The following TFPI variants were observed in gnomAD, a reference collection of about 807,000 sequenced individuals.
TFPI encodes the protein anti-convertin.
TFPI carries 15 observed loss-of-function variants against 34.6 expected under a neutral mutation model. The observed-to-expected ratio is 0.43, with a 90% CI of 0.29 to 0.67. The LOEUF is 0.67. TFPI is among the 30% of genes least tolerant of loss of function. The pLI, the probability that TFPI is intolerant of heterozygous loss-of-function variation, is 0.15. For missense variants in TFPI, 301 were observed against 364.0 expected (o/e 0.83, Z 1.41); for synonymous variants, 105 against 120.1 (o/e 0.87, Z 0.82).
intron 1 of TFPI, among the ~76,000 whole-genome samples, chr2:187,528,434 G>A (rs1191894203): frequency 6.6e-6 from 1 of 152,028 alleles, no homozygotes; most frequent in Non-Finnish European, 1.5e-5. Flanking sequence ...TTTAAAAAAA[G>A]TCTTGGCTAA....
chr2:187,511,891 CAGAA>C (rs999082124), intron 1 of TFPI, among the ~76,000 whole-genome samples: 16 of 150,666 alleles, frequency 1.1e-4, no homozygotes, highest in Admixed American at 2.6e-4. Context: ...CAGGAAGAGA[CAGAA>C]AGACAAAGAG....
chr2:187,505,107 TCCTTATC>T (rs1239716623), intron 1 of TFPI, among the ~76,000 whole-genome samples: 1 of 140,576 alleles, frequency 7.1e-6, no homozygotes, highest in Non-Finnish European at 1.5e-5. Flanking sequence ...AAACTTCTAA[TCCTTATC>T]GCATTTTTGA....
intron 1 of TFPI, among the ~76,000 whole-genome samples, chr2:187,506,303 A>C (rs1686215371): frequency 1.3e-5 from 2 of 152,088 alleles, no homozygotes; most frequent in Non-Finnish European, 2.9e-5. Flanking sequence ...TCTAATAGAA[A>C]CATCTTCTTT....
At chr2:187,482,466 C>G (rs566922862) in intron 6 of TFPI, among the ~76,000 whole-genome samples, 1 of 152,058 alleles carries the variant, frequency 6.6e-6, no homozygotes, top group East Asian at 1.9e-4. Flanking sequence ...TTAATTTTTA[C>G]GAACGAAGTA....
chr2:187,534,771 T>C (rs1026431765), intron 1 of TFPI, among the ~76,000 whole-genome samples: 4 of 152,046 alleles, frequency 2.6e-5, no homozygotes, highest in African/African-American at 4.8e-5. Context: ...AGACATAGAC[T>C]GGCAAATTAG....
intron 6 of TFPI, among the ~76,000 whole-genome samples, chr2:187,471,564 A>T (rs1385718895): frequency 6.6e-6 from 1 of 152,166 alleles, no homozygotes; most frequent in Non-Finnish European, 1.5e-5. Flanking sequence ...GGAATTTAAT[A>T]ATCAAATGCA....
chr2:187,540,614 G>A lies in TFPI; in HGVS notation c.-3+13586C>T, dbSNP rs568255971. Among the ~76,000 whole-genome samples the A allele has an allele frequency of 9.2e-5, 14 of 152,210 alleles. No homozygotes were observed. The South Asian group carries it at 2.9e-3, about 32-fold the overall frequency. On this transcript the variant is annotated intron_variant, in intron 1 of 7. Transcript: ENST00000233156. ...TAAAAGAAAATAATAAACCAGCCAG[G>A]AGGGGTGGCTCACGCTTGTAATCCC...
intron 6 of TFPI, among the ~76,000 whole-genome samples, chr2:187,468,146 A>T (rs1476349845): frequency 2.0e-5 from 3 of 152,082 alleles, no homozygotes; most frequent in African/African-American, 7.2e-5. Context: ...CCAATGAATT[A>T]AAAAATCTCA....
intron 1 of TFPI, chr2:187,513,731 A>C (rs1686805592): frequency 6.6e-6 from 1 of 152,604 alleles, no homozygotes; most frequent in African/African-American, 2.4e-5. Flanking sequence ...GTCCCAGGGG[A>C]AAACCCTACC....
At chr2:187,516,932 G>C (rs917801434) in intron 1 of TFPI, 3 of 152,268 alleles carry the variant, frequency 2.0e-5, no homozygotes, top group Middle Eastern at 3.4e-3. Context: ...CCTTAGAGTT[G>C]TAAGCCCCTA....
chr2:187,537,511 C>T (rs865846274), intron 1 of TFPI, among the ~76,000 whole-genome samples: 4 of 152,050 alleles, frequency 2.6e-5, no homozygotes, highest in Admixed American at 6.6e-5. Flanking sequence ...TTTAATAAAT[C>T]GTGTTGGGAA....
At chr2:187,547,541 C>G (rs964532103) in intron 1 of TFPI, 1 of 152,050 alleles carries the variant, frequency 6.6e-6, no homozygotes, top group Non-Finnish European at 1.5e-5. Context: ...ACCATCTGCC[C>G]AGATGACATC....
At chr2:187,478,539 G>T in intron 6 of TFPI, 1 of 1,235,584 alleles carries the variant, frequency 8.1e-7, no homozygotes, top group Non-Finnish European at 1.1e-6. Context: ...TTCTTTGCTA[G>T]TTAGACATTT....
chr2:187,540,089 G>T (rs1688494773), intron 1 of TFPI, among the ~76,000 whole-genome samples: 1 of 151,856 alleles, frequency 6.6e-6, no homozygotes, highest in Admixed American at 6.6e-5. Flanking sequence ...TTTTAGTATA[G>T]ACGGGGTTTC....
intron 1 of TFPI, among the ~76,000 whole-genome samples, chr2:187,522,727 C>CAAA (rs145948076): frequency 4.5e-5 from 5 of 111,678 alleles, no homozygotes; most frequent in East Asian, 2.5e-4. Flanking sequence ...ACTAAAAATA[C>CAAA]AAAAAAAAAA....
intron 2 of TFPI, among the ~76,000 whole-genome samples, chr2:187,502,234 A>G (rs1685899122): frequency 6.6e-6 from 1 of 152,160 alleles, no homozygotes; most frequent in Non-Finnish European, 1.5e-5. Context: ...TGATAACTTA[A>G]TTCTGGATTA....
intron 1 of TFPI, 39 bp from the exon 2 acceptor site, chr2:187,503,809 G>A: frequency 1.2e-6 from 2 of 1,601,782 alleles, no homozygotes; most frequent in South Asian, 2.2e-5. Flanking sequence ...TAAATAAAGT[G>A]TTAATATGCA....
At chr2:187,502,331 C>T (rs1685906413) in intron 2 of TFPI, among the ~76,000 whole-genome samples, 1 of 152,142 alleles carries the variant, frequency 6.6e-6, no homozygotes, top group African/African-American at 2.4e-5. Context: ...GAAAATTGGA[C>T]TGGGACAAAT....
At chr2:187,488,827 C>G (rs1261848108) in intron 3 of TFPI, among the ~76,000 whole-genome samples, 1 of 151,440 alleles carries the variant, frequency 6.6e-6, no homozygotes, top group Non-Finnish European at 1.5e-5. Context: ...TTCGTTGTCT[C>G]AATCCAATTG....
Sources: allele counts gnomAD v4.1 joint callset (sites outside exome capture counted in the v4.1 genomes callset), GRCh38; gene constraint gnomAD v4.1.1; transcripts MANE v1.5; gene names NCBI Gene and HGNC (gene_info 2026-07-23, HGNC 2026-07-21).